NEGR1: variants seen among roughly 807,000 people sequenced by gnomAD.
NEGR1 encodes IgLON family member 4.
NEGR1 carries 10 observed loss-of-function variants against 40.9 expected under a neutral mutation model. The ratio of observed to expected loss-of-function variants is 0.24; its 90% confidence interval spans 0.15 to 0.42. The LOEUF is 0.42. NEGR1 is among the 10% of genes least tolerant of loss of function. NEGR1 has a pLI of 1.00. For synonymous variants in NEGR1, 185 were observed against 166.8 expected, an observed-to-expected ratio of 1.11 and a Z score of -0.84; for missense variants, 352 against 438.9, an observed-to-expected ratio of 0.80 and a Z score of 1.77.
At chr1:71,857,794 C>T (rs1659828106) in intron 2 of NEGR1, among the ~76,000 whole-genome samples, 1 of 151,978 alleles carries the variant, frequency 6.6e-6, no homozygotes, top group Admixed American at 6.6e-5. Flanking sequence ...TTGGCTTCAA[C>T]AAAATATACA....
intron 1 of NEGR1, among the ~76,000 whole-genome samples, chr1:71,964,859 G>A (rs1033716057): frequency 4.6e-5 from 7 of 151,910 alleles, no homozygotes; most frequent in African/African-American, 1.5e-4. Flanking sequence ...TGTGTTTAAG[G>A]GTTATGGGTT....
chr1:71,997,882 T>C (rs1230800750), intron 1 of NEGR1, among the ~76,000 whole-genome samples: 2 of 151,990 alleles, frequency 1.3e-5, no homozygotes, highest in Non-Finnish European at 2.9e-5. Context: ...CAGTCATAAA[T>C]TTCCAAAATG....
chr1:71,442,273 CTTT>C (rs1557527438), intron 6 of NEGR1, among the ~76,000 whole-genome samples: 2 of 29,046 alleles, frequency 6.9e-5, no homozygotes, highest in South Asian at 1.8e-3. Context: ...AATGTTTCTT[CTTT>C]ATCATCAATG....
chr1:71,597,460 C>CTGTGTGTGTGTGTG (rs1185213578), intron 5 of NEGR1, among the ~76,000 whole-genome samples: 6 of 64,786 alleles, frequency 9.3e-5, no homozygotes, highest in African/African-American at 3.5e-4. Context: ...CTCTCTCTCT[C>CTGTGTGTGTGTGTG]TCTCTCTCTC....
At chr1:71,765,418 T>C (rs1033909020) in intron 3 of NEGR1, among the ~76,000 whole-genome samples, 1 of 152,230 alleles carries the variant, frequency 6.6e-6, no homozygotes, top group Non-Finnish European at 1.5e-5. Context: ...AAGGATTTTT[T>C]TTAATGCTAC....
At chr1:72,070,183 T>C (rs930591469) in intron 1 of NEGR1, among the ~76,000 whole-genome samples, 1 of 152,208 alleles carries the variant, frequency 6.6e-6, no homozygotes, top group Middle Eastern at 3.4e-3. Context: ...ATCCTCAGAT[T>C]ACTGATCTTT....
intron 2 of NEGR1, among the ~76,000 whole-genome samples, chr1:71,925,379 C>T (rs1645763178): frequency 6.6e-6 from 1 of 152,200 alleles, no homozygotes; most frequent in Non-Finnish European, 1.5e-5. Context: ...AATCTTTCCA[C>T]TTCTAACCTC....
chr1:72,086,836 C>T (rs2100537173), intron 1 of NEGR1, among the ~76,000 whole-genome samples: 1 of 151,858 alleles, frequency 6.6e-6, no homozygotes, highest in Non-Finnish European at 1.5e-5. Flanking sequence ...ATTAATCATC[C>T]AATCTAAAAT....
At chr1:71,618,429 T>C (rs2101550360) in intron 4 of NEGR1, among the ~76,000 whole-genome samples, 1 of 152,232 alleles carries the variant, frequency 6.6e-6, no homozygotes, top group East Asian at 1.9e-4. Context: ...CACAAAGGAC[T>C]GAAAAACCTG....
chr1:71,719,622 GTT>G (rs202130534), intron 3 of NEGR1, among the ~76,000 whole-genome samples: 3 of 146,682 alleles, frequency 2.0e-5, no homozygotes, highest in East Asian at 2.0e-4. Context: ...AGGAGCCAGT[GTT>G]TTTTTTTTTA....
chr1:71,592,519 T>C (rs1253589110), intron 6 of NEGR1, among the ~76,000 whole-genome samples: 1 of 152,202 alleles, frequency 6.6e-6, no homozygotes, highest in Non-Finnish European at 1.5e-5. Context: ...CCAAATCTAC[T>C]GACTTCAGCC....
intron 4 of NEGR1, among the ~76,000 whole-genome samples, chr1:71,631,551 G>C (rs1038713359): frequency 2.6e-5 from 4 of 151,678 alleles, no homozygotes; most frequent in Admixed American, 6.6e-5. Flanking sequence ...ATCACAAATA[G>C]CTCCATATTC....
At chr1:71,931,621 C>T (rs1645856325) in intron 2 of NEGR1, among the ~76,000 whole-genome samples, 1 of 152,094 alleles carries the variant, frequency 6.6e-6, no homozygotes. Flanking sequence ...CAACAACTAA[C>T]CCAATCCCAT....
intron 6 of NEGR1, among the ~76,000 whole-genome samples, chr1:71,548,697 A>T (rs528206595): frequency 4.5e-4 from 68 of 151,742 alleles, no homozygotes; most frequent in African/African-American, 1.5e-3. Context: ...TGCCGTTCCC[A>T]ATTTTATTGT....
At chr1:72,133,315 C>T (rs137918108) in intron 1 of NEGR1, among the ~76,000 whole-genome samples, 1 of 151,896 alleles carries the variant, frequency 6.6e-6, no homozygotes, top group Non-Finnish European at 1.5e-5. Context: ...TTTGTACATG[C>T]AGAATATATT....
At chr1:71,874,407 A>C (rs767448525) in intron 2 of NEGR1, among the ~76,000 whole-genome samples, 1 of 152,184 alleles carries the variant, frequency 6.6e-6, no homozygotes, top group African/African-American at 2.4e-5. Context: ...GGTACATATT[A>C]TCTTCAGACT....
intron 3 of NEGR1, among the ~76,000 whole-genome samples, chr1:71,750,526 G>T (rs901855656): frequency 6.6e-6 from 1 of 152,166 alleles, no homozygotes; most frequent in African/African-American, 2.4e-5. Flanking sequence ...TGGCAGAAGG[G>T]AAGGAGGAGC....
intron 4 of NEGR1, among the ~76,000 whole-genome samples, chr1:71,697,345 C>T (rs1335003): frequency 0.036 from 5,504 of 151,626 alleles, 126 homozygotes; most frequent in African/African-American, 0.07. Context: ...AAAGTAAAAA[C>T]GATTGTAGTC....
intron 1 of NEGR1, among the ~76,000 whole-genome samples, chr1:72,225,826 T>C (rs1654173640): frequency 6.6e-6 from 1 of 151,744 alleles, no homozygotes. Flanking sequence ...AAGACTACTA[T>C]TATTCACAAG....
Sources: allele counts gnomAD v4.1 joint callset (sites outside exome capture counted in the v4.1 genomes callset), GRCh38; gene constraint gnomAD v4.1.1; transcripts MANE v1.5; gene names NCBI Gene and HGNC (gene_info 2026-07-23, HGNC 2026-07-21).